Variants in SLC9C1 observed in about 807,000 individuals in gnomAD.
The protein encoded by SLC9C1 is solute carrier family 9 member C1, also known as sodium/hydrogen exchanger 10.
Under a neutral mutation model 140.9 loss-of-function variants are expected in SLC9C1, and 97 were observed. The observed-to-expected ratio is 0.69, with a 90% CI of 0.58 to 0.82. The LOEUF (loss-of-function observed/expected upper bound fraction) is 0.82. Among genes scored for constraint, SLC9C1 ranks in the 40% least tolerant of loss-of-function variants. SLC9C1 has a pLI of 0.00. For synonymous variants in SLC9C1, 440 were observed against 442.6 expected, an observed-to-expected ratio of 0.99 and a Z score of 0.07; for missense variants, 1,340 against 1,389.3, an observed-to-expected ratio of 0.96 and a Z score of 0.56.
At chr3:112,264,430 C>A in intron 8 of SLC9C1, 87 bp from the exon 9 acceptor site, 1 of 704,062 alleles carries the variant, frequency 1.4e-6, no homozygotes, top group East Asian at 4.2e-5. Context: ...AATCATTGTG[C>A]TAATGATTAC....
In SLC9C1 at chr3:112,180,524, A is replaced by T. The variant is rs755428175; in HGVS notation, c.2748+40T>A. The T allele has an allele frequency of 5.2e-6, 8 of 1,542,158 alleles. No individual in the cohort carries two copies. In the African/African-American group the frequency reaches 1.1e-4, roughly 22 times the overall value. ...GGCAACAAGAGAGAAACTCTGTCTC[A>T]AAACAAAAAAACAAAACAAAACAAA... is the stretch of plus-strand genomic sequence containing the variant. On this transcript the variant is annotated intron_variant, in intron 22 of 28. Transcript: ENST00000305815.
intron 26 of SLC9C1, among the ~76,000 whole-genome samples, chr3:112,156,119 G>C (rs1265997463): frequency 6.6e-6 from 1 of 151,530 alleles, no homozygotes; most frequent in African/African-American, 2.4e-5. Context: ...CTGTATTTTT[G>C]TGTACCCCTT....
At chr3:112,159,888 C>G (rs2075241644) in intron 26 of SLC9C1, among the ~76,000 whole-genome samples, 1 of 151,746 alleles carries the variant, frequency 6.6e-6, no homozygotes, top group African/African-American at 2.4e-5. Flanking sequence ...GCTACTCTTC[C>G]TCTTTTGGTT....
chr3:112,233,371 T>A (rs1392159965), intron 12 of SLC9C1, among the ~76,000 whole-genome samples: 1 of 152,154 alleles, frequency 6.6e-6, no homozygotes, highest in Non-Finnish European at 1.5e-5. Flanking sequence ...TGACCTATGA[T>A]GTCTTTTAAA....
chr3:112,239,396 C>T lies in SLC9C1; in HGVS notation c.1446+444G>A, dbSNP rs561078807. Among the ~76,000 whole-genome samples, 204 of 152,348 alleles carry T rather than the reference C, an allele frequency of 1.3e-3. 1 individual carries two copies. The highest frequency in any genetic ancestry group is 4.5e-3 in the African/African-American group (187 of 41,580). ...CGAAACGGAATTCCCTGACCCCTTG[C>T]GCTTCCTGCGTGAGGCGATGCCTCG... On this transcript the variant is annotated intron_variant, in intron 12 of 28. Transcript: ENST00000305815.
chr3:112,146,798 G>T (rs557421929), intron 28 of SLC9C1, among the ~76,000 whole-genome samples: 11 of 152,112 alleles, frequency 7.2e-5, no homozygotes, highest in African/African-American at 2.4e-4. Flanking sequence ...GATGGGTGGC[G>T]TATTCTGTAG....
At chr3:112,174,661 G>A (rs1433772882) in intron 23 of SLC9C1, among the ~76,000 whole-genome samples, 1 of 152,134 alleles carries the variant, frequency 6.6e-6, no homozygotes, top group African/African-American at 2.4e-5. Flanking sequence ...CCATATGGTG[G>A]CTGCCATGTG....
chr3:112,141,662 G>A (rs934865273), intron 28 of SLC9C1, among the ~76,000 whole-genome samples: 1 of 152,112 alleles, frequency 6.6e-6, no homozygotes, highest in African/African-American at 2.4e-5. Flanking sequence ...ATTGCTGAAC[G>A]TAAAGGGTGT....
At chr3:112,242,578 A>T (rs975228361) in intron 11 of SLC9C1, among the ~76,000 whole-genome samples, 14 of 152,072 alleles carry the variant, frequency 9.2e-5, no homozygotes, top group Admixed American at 2.6e-4. Context: ...TAATGCATTC[A>T]AAAAATAGAA....
At chr3:112,248,830 A>C (rs1039398209) in intron 10 of SLC9C1, among the ~76,000 whole-genome samples, 5 of 152,198 alleles carry the variant, frequency 3.3e-5, no homozygotes, top group Non-Finnish European at 5.9e-5. Context: ...ATCCGATTAA[A>C]GTAGTTTTCT....
At chr3:112,213,995 T>G (rs899635296) in intron 15 of SLC9C1, among the ~76,000 whole-genome samples, 5 of 151,722 alleles carry the variant, frequency 3.3e-5, no homozygotes, top group Admixed American at 2.0e-4. Flanking sequence ...GAACAGAAAT[T>G]ATAACAAACT....
At chr3:112,174,261 A>G (rs1307401483) in intron 23 of SLC9C1, among the ~76,000 whole-genome samples, 4 of 152,128 alleles carry the variant, frequency 2.6e-5, no homozygotes, top group South Asian at 2.1e-4. Context: ...CTCCACCTCC[A>G]TGAAATGTGG....
At chr3:112,229,599 T>C (rs2078768058) in intron 13 of SLC9C1, among the ~76,000 whole-genome samples, 1 of 151,898 alleles carries the variant, frequency 6.6e-6, no homozygotes, top group African/African-American at 2.4e-5. Context: ...AAAGGGTGTA[T>C]AGATTTTTTT....
chr3:112,260,757 G>T (rs2079750440), intron 10 of SLC9C1, among the ~76,000 whole-genome samples: 1 of 152,148 alleles, frequency 6.6e-6, no homozygotes, highest in Middle Eastern at 3.4e-3. Context: ...TATACACCAT[G>T]GCTAGTCAGA....
At chr3:112,247,901 A>G (rs2079336720) in intron 10 of SLC9C1, among the ~76,000 whole-genome samples, 1 of 133,760 alleles carries the variant, frequency 7.5e-6, no homozygotes, top group Non-Finnish European at 1.6e-5. Flanking sequence ...GTGTGTGTGT[A>G]TCTCACACGC....
At position 112,192,344 on chromosome 3, in the gene SLC9C1, A is replaced by G. The variant is rs141942487; in HGVS notation, c.2523+6977T>C. The stretch of plus-strand genomic sequence containing the variant: ...TCTCTAAATACCTTATATAAATGCA[A>G]TCACATAGTATTTGATTTTTGTGAC... On this transcript the variant is annotated intron_variant, in intron 20 of 28. Coordinates refer to ENST00000305815, the MANE Select transcript of SLC9C1 (RefSeq NM_183061.3). 2.2e-4 allele frequency among the ~76,000 whole-genome samples: 34 copies of G among 152,318 alleles called. No individual in the cohort carries two copies. The East Asian group carries it at 6.2e-3, about 28-fold the overall frequency.
rs1213184988 is a variant in SLC9C1 at position 112,286,768 on chromosome 3, A to C, written c.24T>G (p.Phe8Leu). MAGIFKE[F>L]FFSTEDLPEV... Reference sequence around the variant, plus strand: ...CAGGGAGGTCCTCAGTACTGAAAAAAAACTCCTTAAATATTCCAGCCATGT... The same window carrying C: ...CAGGGAGGTCCTCAGTACTGAAAAACAACTCCTTAAATATTCCAGCCATGT... The change falls in exon 2 of 29, where the codon TTT becomes TTG. Residue 8 changes from phenylalanine (F) to leucine (L), a missense_variant. Transcript: ENST00000305815. 6.2e-7 allele frequency: 1 copy of C among 1,612,608 alleles called. No individual in the cohort carries two copies. Among genetic ancestry groups the C allele is most frequent in the Admixed American group, 1.7e-5 (1 of 59,826 alleles).
chr3:112,220,649 C>G (rs891681363), intron 14 of SLC9C1, among the ~76,000 whole-genome samples: 1 of 152,166 alleles, frequency 6.6e-6, no homozygotes, highest in Admixed American at 6.5e-5. Flanking sequence ...TTTGAGGAAA[C>G]CACTGCTTAT....
chr3:112,275,584 C>T (rs1328143471), intron 5 of SLC9C1, among the ~76,000 whole-genome samples: 2 of 148,680 alleles, frequency 1.3e-5, no homozygotes, highest in Non-Finnish European at 3.0e-5. Context: ...TGTCTGTTGT[C>T]CTTTTCCTCT....
Sources: gnomAD v4.1 joint callset for allele counts (sites outside exome capture counted in the v4.1 genomes callset) on GRCh38, gnomAD v4.1.1 for gene constraint, MANE v1.5 for transcripts, NCBI Gene and HGNC (gene_info 2026-07-23, HGNC 2026-07-21) for gene names.